The following PCSK6 variants were observed in gnomAD, a reference collection of about 807,000 sequenced individuals.
PCSK6 encodes proprotein convertase subtilisin/kexin type 6, also known as paired basic amino acid cleaving enzyme 4.
In PCSK6, 85 loss-of-function variants were observed where a neutral mutation model predicts 123.3. That is an observed-to-expected ratio of 0.69 (90% confidence interval 0.58 to 0.83). PCSK6 has a LOEUF of 0.83. Ranked by LOEUF, PCSK6 falls within the 40% of genes least tolerant of loss-of-function variation. PCSK6 has a pLI of 0.00. For missense variants in PCSK6, 1,191 were observed against 1,282.3 expected (o/e 0.93, Z 1.09); for synonymous variants, 508 against 516.0 (o/e 0.98, Z 0.21).
intron 13 of PCSK6, among the ~76,000 whole-genome samples, chr15:101,361,871 T>A (rs1212912477): frequency 6.6e-6 from 1 of 151,838 alleles, no homozygotes; most frequent in Non-Finnish European, 1.5e-5. Context: ...CTGAGATATA[T>A]TCTGGAAGCA....
chr15:101,334,642 G>C (rs1276398959), intron 13 of PCSK6: 1 of 152,244 alleles, frequency 6.6e-6, no homozygotes, highest in Non-Finnish European at 1.5e-5. Context: ...ATGATGGTAG[G>C]ACAGGGACCA....
Position 101,326,597 on chromosome 15 carries a change from C to T in PCSK6, c.2078-118G>A, listed in dbSNP as rs1295318783. On this transcript the variant is annotated intron_variant, in intron 15 of 21. Coordinates refer to ENST00000611716, the MANE Select transcript of PCSK6 (RefSeq NM_002570.5). ...GCAGGGTTGGGAGACGCTCCCAGGC[C>T]CCGCTGGGGCTGGACGGCCAGACGA... The T allele has an allele frequency of 4.1e-6, 4 of 964,630 alleles. No individual in the cohort carries two copies. The African/African-American group carries it at 6.5e-5, about 16-fold the overall frequency. 59.8% of individuals were successfully genotyped at this position (964,630 alleles called of 1,614,324 possible).
At position 101,362,074 on chromosome 15, in the gene PCSK6, A is replaced by C. The variant is rs752065674; in HGVS notation, c.1858+4122T>G. ...CAGGTTCACACCATTCTCTTCCCTC[A>C]GCCTCCCAAGTAGCTGGGACTACAG... On this transcript the variant is annotated intron_variant, in intron 13 of 21. Coordinates refer to ENST00000611716, the MANE Select transcript of PCSK6 (RefSeq NM_002570.5). Among the ~76,000 whole-genome samples the C allele has an allele frequency of 6.5e-4, 96 of 147,936 alleles. 1 individual carries two copies. The highest frequency in any genetic ancestry group is 1.5e-4 in the Non-Finnish European group (10 of 67,704).
At chr15:101,409,762 A>AT (rs1336916491) in intron 6 of PCSK6, among the ~76,000 whole-genome samples, 2 of 152,096 alleles carry the variant, frequency 1.3e-5, no homozygotes, top group Non-Finnish European at 2.9e-5. Context: ...TCCCCTGCAT[A>AT]TTGCAAGCCT....
At chr15:101,408,832 A>T (rs1049828797) in intron 6 of PCSK6, among the ~76,000 whole-genome samples, 2 of 152,208 alleles carry the variant, frequency 1.3e-5, no homozygotes, top group East Asian at 3.8e-4. Flanking sequence ...TAACATAATT[A>T]ACCAATTTAT....
At chr15:101,411,930 C>T (rs960793992) in intron 6 of PCSK6, among the ~76,000 whole-genome samples, 2 of 152,208 alleles carry the variant, frequency 1.3e-5, no homozygotes, top group Non-Finnish European at 2.9e-5. Context: ...GCAGTAACAA[C>T]GTGTCCCCTC....
At position 101,489,426 on chromosome 15, in the gene PCSK6, G is replaced by C. The variant is rs1447338589; in HGVS notation, c.245C>G (p.Pro82Arg). ...NHWAVQVLGG[P>R]AEADRVAAAH... ...CGCCGCCACGCGGTCCGCCTCGGCC[G>C]GGCCGCCCAGCACTTGCACCGCCCA... Residue 82 changes from proline (P) to arginine (R), a missense_variant, in exon 1 of 22, where the codon CCG (proline) becomes CGG (arginine). Coordinates refer to ENST00000611716, the MANE Select transcript of PCSK6 (RefSeq NM_002570.5). 1 of 1,279,628 alleles carries C rather than the reference G, an allele frequency of 7.8e-7. No individual in the cohort carries two copies. The highest frequency in any genetic ancestry group is 1.0e-6 in the Non-Finnish European group (1 of 999,770). The allele number at this position is 1,279,628 out of a possible 1,614,324, so 79.3% of individuals were successfully genotyped here.
chr15:101,397,471 T>C (rs1314061295), intron 7 of PCSK6, among the ~76,000 whole-genome samples: 3 of 152,136 alleles, frequency 2.0e-5, no homozygotes, highest in African/African-American at 7.2e-5. Flanking sequence ...ATAAATTTAA[T>C]GGGCTTGACT....
chr15:101,440,366 G>T (rs558672085), intron 2 of PCSK6, among the ~76,000 whole-genome samples: 20 of 152,242 alleles, frequency 1.3e-4, no homozygotes, highest in Admixed American at 1.3e-3. Flanking sequence ...GGATCAGTGC[G>T]AAGAAGATGC....
At chr15:101,392,827 T>C (rs866125010) in intron 8 of PCSK6, among the ~76,000 whole-genome samples, 1 of 152,134 alleles carries the variant, frequency 6.6e-6, no homozygotes, top group Non-Finnish European at 1.5e-5. Context: ...TAAAACCAAG[T>C]CTTTCTCTTA....
chr15:101,380,368 C>T (rs1451301155), intron 11 of PCSK6, among the ~76,000 whole-genome samples: 3 of 152,238 alleles, frequency 2.0e-5, no homozygotes. Context: ...CAGAGGGCAG[C>T]CCCCAGGTCA....
chr15:101,459,309 G>GCT (rs994606608), intron 1 of PCSK6, among the ~76,000 whole-genome samples: 2 of 152,062 alleles, frequency 1.3e-5, no homozygotes, highest in African/African-American at 4.8e-5. Context: ...AAGTGTCCAG[G>GCT]CTCTCCCTTT....
chr15:101,442,419 C>T (rs888707294), intron 2 of PCSK6, among the ~76,000 whole-genome samples: 1 of 152,138 alleles, frequency 6.6e-6, no homozygotes, highest in African/African-American at 2.4e-5. Context: ...GGGTGAGCTC[C>T]ATGGGGACCA....
At chr15:101,462,388 T>C (rs764138820) in intron 1 of PCSK6, among the ~76,000 whole-genome samples, 1 of 152,238 alleles carries the variant, frequency 6.6e-6, no homozygotes, top group Non-Finnish European at 1.5e-5. Context: ...AAAATTTCAG[T>C]CAAAATCCCA....
At chr15:101,451,872 G>A (rs2057045077) in intron 1 of PCSK6, among the ~76,000 whole-genome samples, 1 of 152,000 alleles carries the variant, frequency 6.6e-6, no homozygotes, top group African/African-American at 2.4e-5. Flanking sequence ...TGAAAAAAAC[G>A]TTATAAATAT....
At position 101,382,559 on chromosome 15, in the gene PCSK6, A is replaced by G. The variant is rs138708585; in HGVS notation, c.1415-350T>C. Among the ~76,000 whole-genome samples, 47 of 152,310 alleles carry G rather than the reference A, an allele frequency of 3.1e-4. No homozygotes were observed. In the East Asian group the frequency reaches 7.5e-3, roughly 24 times the overall value. ...GCTTGTCAGCATCTATGCTCCCTGA[A>G]TCTAAGACCAGACAAGAGAAACAAA... is the stretch of plus-strand genomic sequence containing the variant. On this transcript the variant is annotated intron_variant, in intron 10 of 21. Transcript: ENST00000611716.
intron 13 of PCSK6, among the ~76,000 whole-genome samples, chr15:101,356,443 T>C (rs1596224411): frequency 7.0e-6 from 1 of 143,436 alleles, no homozygotes; most frequent in Admixed American, 7.6e-5. Flanking sequence ...GCAGATCACC[T>C]GAGGTCAGGA....
At chr15:101,307,693 A>G (rs1375881182) in intron 20 of PCSK6, 14 of 219,272 alleles carry the variant, frequency 6.4e-5, no homozygotes, top group Non-Finnish European at 1.3e-4. Context: ...TTCTCTCTCC[A>G]GCGGCTGCCG....
At chr15:101,407,894 A>C (rs562700604) in intron 6 of PCSK6, among the ~76,000 whole-genome samples, 3 of 152,366 alleles carry the variant, frequency 2.0e-5, no homozygotes, top group Admixed American at 1.3e-4. Flanking sequence ...TACATATTTA[A>C]ACAGGTCTCT....
Sources: gnomAD v4.1 joint callset for allele counts (sites outside exome capture counted in the v4.1 genomes callset) on GRCh38, gnomAD v4.1.1 for gene constraint, MANE v1.5 for transcripts, NCBI Gene and HGNC (gene_info 2026-07-23, HGNC 2026-07-21) for gene names.